Variants in MVB12B observed in about 807,000 individuals in gnomAD.
The protein encoded by MVB12B is ESCRT-I complex subunit MVB12B.
Under a neutral mutation model 41.6 loss-of-function variants are expected in MVB12B, and 16 were observed. That is an observed-to-expected ratio of 0.38 (90% confidence interval 0.26 to 0.58). The LOEUF is 0.58. Ranked by LOEUF, MVB12B falls within the 20% of genes least tolerant of loss-of-function variation. The probability of loss-of-function intolerance (pLI) is 0.62; values close to 1 mark genes in which losing one functional copy is unlikely to be tolerated. For missense variants in MVB12B, 274 were observed against 380.2 expected, an observed-to-expected ratio of 0.72 and a Z score of 2.32; for synonymous variants, 133 against 139.7, an observed-to-expected ratio of 0.95 and a Z score of 0.34.
intron 6 of MVB12B, among the ~76,000 whole-genome samples, chr9:126,410,369 G>A (rs572638819): frequency 2.0e-5 from 3 of 152,280 alleles, no homozygotes; most frequent in Non-Finnish European, 2.9e-5. Context: ...GGTGGAAAGA[G>A]CATGAACGCA....
Position 126,481,418 on chromosome 9 carries a change from A to G in MVB12B, c.807A>G (p.Pro269=). Residue 269 remains proline, a synonymous_variant, in exon 8 of 10, where the codon CCA becomes CCG. Coordinates refer to ENST00000361171, the MANE Select transcript of MVB12B (RefSeq NM_033446.3). ...TTTCAGAGAAGTTTTCTTGTGTTCC[A>G]GAAAGTGTAAGTTTTATGCATGATC... ...FMISEKFSCV[P]ESMQPFDLLG... 6.2e-7 allele frequency: 1 copy of G among 1,613,074 alleles called. No individual in the cohort carries two copies. Among genetic ancestry groups the G allele is most frequent in the South Asian group, 1.1e-5 (1 of 91,058 alleles).
intron 2 of MVB12B, among the ~76,000 whole-genome samples, chr9:126,364,433 C>CT (rs1202111863): frequency 6.6e-6 from 1 of 152,184 alleles, no homozygotes; most frequent in African/African-American, 2.4e-5. Context: ...GCCTTGCAGT[C>CT]TGAGTTGGTT....
intron 7 of MVB12B, among the ~76,000 whole-genome samples, chr9:126,441,146 G>A (rs1227837174): frequency 6.6e-6 from 1 of 152,198 alleles, no homozygotes; most frequent in South Asian, 2.1e-4. Flanking sequence ...CCAAGCAAAT[G>A]TGGCTATCCC....
chr9:126,381,018 C>T, intron 2 of MVB12B, 46 bp from the exon 3 acceptor site: 2 of 1,537,334 alleles, frequency 1.3e-6, no homozygotes, highest in East Asian at 4.5e-5. Flanking sequence ...ACCTTCAGTT[C>T]CTTCCTGCCT....
At position 126,504,517 on chromosome 9, in the gene MVB12B, T is replaced by A. The variant is rs1176542169; in HGVS notation, c.*1254T>A. On this transcript the variant is annotated 3_prime_UTR_variant, in exon 10 of 10. Coordinates refer to ENST00000361171, the MANE Select transcript of MVB12B (RefSeq NM_033446.3). ...CACTACCTGCGTCCGTGGAAGCCTC[T>A]GCCTCAGCGGGGACGGCCTCCTGCT... is the stretch of plus-strand genomic sequence containing the variant. 1 of 152,566 alleles carries A rather than the reference T, an allele frequency of 6.6e-6. No homozygotes were observed. Among genetic ancestry groups the A allele is most frequent in the East Asian group, 1.9e-4 (1 of 5,192 alleles). The allele number at this position is 152,566 out of a possible 1,614,324, so 9.5% of individuals were successfully genotyped here. A position where few individuals can be genotyped will look rare whatever the true frequency, so the allele number is the denominator to read the frequency against.
At chr9:126,413,345 G>T (rs912835277) in intron 6 of MVB12B, among the ~76,000 whole-genome samples, 1 of 152,186 alleles carries the variant, frequency 6.6e-6, no homozygotes. Flanking sequence ...GACACCTGTG[G>T]AGTAGGGGGG....
chr9:126,420,618 C>A (rs1831981313), intron 6 of MVB12B, among the ~76,000 whole-genome samples: 2 of 127,588 alleles, frequency 1.6e-5, no homozygotes, highest in Admixed American at 1.9e-4. Flanking sequence ...GCTCTGTTGC[C>A]CATGCTAGAG....
At chr9:126,348,450 G>C (rs1829657628) in intron 2 of MVB12B, among the ~76,000 whole-genome samples, 1 of 152,208 alleles carries the variant, frequency 6.6e-6, no homozygotes, top group African/African-American at 2.4e-5. Context: ...CTTAGAAATA[G>C]TGGCTTAAAG....
intron 7 of MVB12B, among the ~76,000 whole-genome samples, chr9:126,442,142 C>T (rs945238261): frequency 6.6e-6 from 1 of 152,212 alleles, no homozygotes; most frequent in Non-Finnish European, 1.5e-5. Flanking sequence ...AATTTTGGAT[C>T]TGTCTTACAA....
rs376094935 is a variant in MVB12B, at chr9:126,481,371, A to G, written c.760A>G (p.Met254Val). The change falls in exon 8 of 10, where the codon ATG becomes GTG. Residue 254 changes from methionine to valine, a missense_variant and splice_region_variant. Transcript: ENST00000361171. ...TCTTTTTTTTTCTTCTTTTGCAGCA[A>G]TGGATGGTGTGCCTTTTATGATTTC... Reference protein sequence around the residue: ...QHSNLYAISAMDGVPFMISEK... With the variant: ...QHSNLYAISAVDGVPFMISEK... The G allele has an allele frequency of 2.5e-6, 4 of 1,613,258 alleles. No individual in the cohort carries two copies. The highest frequency in any genetic ancestry group is 2.2e-5 in the South Asian group (2 of 91,064).
chr9:126,466,600 A>ATTCTTTGGT (rs1564341590), intron 7 of MVB12B, among the ~76,000 whole-genome samples: 13 of 152,188 alleles, frequency 8.5e-5, no homozygotes, highest in Non-Finnish European at 1.9e-4. Flanking sequence ...GCACCAAAGA[A>ATTCTTTGGT]GACTTCCGGC....
At chr9:126,430,278 C>T (rs1255131367) in intron 7 of MVB12B, among the ~76,000 whole-genome samples, 1 of 152,156 alleles carries the variant, frequency 6.6e-6, no homozygotes, top group Non-Finnish European at 1.5e-5. Context: ...CAACAACCAG[C>T]CCCACCCGTG....
intron 9 of MVB12B, among the ~76,000 whole-genome samples, chr9:126,488,181 G>A (rs1833659661): frequency 6.6e-6 from 1 of 152,120 alleles, no homozygotes; most frequent in South Asian, 2.1e-4. Context: ...CTGCAGGTTT[G>A]GCCCTGGAGT....
At chr9:126,353,950 A>G (rs924359047) in intron 2 of MVB12B, among the ~76,000 whole-genome samples, 4 of 152,206 alleles carry the variant, frequency 2.6e-5, no homozygotes, top group Admixed American at 2.0e-4. Context: ...TCACCAATTT[A>G]TATATACTCC....
At chr9:126,341,200 C>A (rs1829436016) in intron 2 of MVB12B, among the ~76,000 whole-genome samples, 1 of 152,200 alleles carries the variant, frequency 6.6e-6, no homozygotes, top group Admixed American at 6.5e-5. Context: ...AAGTCCAGTG[C>A]TGTGGCTGAC....
rs1834016135 is a variant in MVB12B at position 126,503,973 on chromosome 9, G to GATCC, written c.*711_*712insTCCA. The stretch of plus-strand genomic sequence containing the variant: ...CGGCCCTGCTTGGATCCACCACCAG[G>GATCC]ACGCTGTGCTCGGCCATGGCGCGCC... On this transcript the variant is annotated 3_prime_UTR_variant, in exon 10 of 10. Transcript: ENST00000361171. The GATCC allele has an allele frequency of 6.6e-6, 1 of 152,366 alleles. No individual in the cohort carries two copies. Among genetic ancestry groups the GATCC allele is most frequent in the Non-Finnish European group, 1.5e-5 (1 of 68,158 alleles). 9.4% of individuals were successfully genotyped at this position (152,366 alleles called of 1,614,324 possible).
At chr9:126,477,124 G>GT (rs1833438609) in intron 7 of MVB12B, among the ~76,000 whole-genome samples, 1 of 152,100 alleles carries the variant, frequency 6.6e-6, no homozygotes, top group South Asian at 2.1e-4. Context: ...TCCAGTCATG[G>GT]TGGAAGGTGA....
intron 5 of MVB12B, among the ~76,000 whole-genome samples, chr9:126,394,750 T>C (rs1831056507): frequency 6.6e-6 from 1 of 152,212 alleles, no homozygotes; most frequent in African/African-American, 2.4e-5. Context: ...CCTGGGGTGT[T>C]CTGAGAAGCT....
intron 2 of MVB12B, among the ~76,000 whole-genome samples, chr9:126,370,952 A>C (rs1487341627): frequency 6.6e-6 from 1 of 151,938 alleles, no homozygotes; most frequent in African/African-American, 2.4e-5. Flanking sequence ...TTTTTTTCTA[A>C]AAGTTTGGAA....
Sources: allele counts gnomAD v4.1 joint callset (sites outside exome capture counted in the v4.1 genomes callset), GRCh38; gene constraint gnomAD v4.1.1; transcripts MANE v1.5; gene names NCBI Gene and HGNC (gene_info 2026-07-23, HGNC 2026-07-21).